Variants in RPL23 observed in about 807,000 individuals in gnomAD.
The protein encoded by RPL23 is ribosomal protein L23.
For missense variants in RPL23, 79 were observed against 178.8 expected (o/e 0.44, Z 3.18); for synonymous variants, 63 against 65.3 (o/e 0.97, Z 0.17).
Position 38,853,111 on chromosome 17 carries a change from G to A in RPL23, c.14-6C>T, listed in dbSNP as rs1359106581. The A allele has an allele frequency of 6.2e-7, 1 of 1,610,280 alleles. No individual in the cohort carries two copies. ...ACCAGAGGACCCACCACGTCCTGTG[G>A]ATATAAAGGGAAGGGAAACAGGATA... On this transcript the variant is annotated splice_region_variant and splice_polypyrimidine_tract_variant and intron_variant, in intron 1 of 4. Transcript: ENST00000479035.
In RPL23 at chr17:38,848,724, C is replaced by T. The variant is rs992407676; in HGVS notation, c.*1408G>A. The T allele has an allele frequency of 2.6e-5, 4 of 152,176 alleles. No individual in the cohort carries two copies. The highest frequency in any genetic ancestry group is 5.9e-5 in the Non-Finnish European group (4 of 68,042). 9.4% of individuals were successfully genotyped at this position (152,176 alleles called of 1,614,324 possible). ...AAAGCTCCAGGTTAGAACAACTCCT[C>T]TCTAGGTCTGGTACATTCCATAACT... is the stretch of plus-strand genomic sequence containing the variant. On this transcript the variant is annotated 3_prime_UTR_variant, in exon 5 of 5. Coordinates refer to ENST00000479035, the MANE Select transcript of RPL23 (RefSeq NM_000978.4).
chr17:38,851,628 C>T (rs966700774), intron 3 of RPL23: 5 of 152,212 alleles, frequency 3.3e-5, no homozygotes, highest in African/African-American at 1.2e-4. Context: ...CCTGGGCCAC[C>T]AATCAGACCC....
At chr17:38,853,240 G>T in intron 1 of RPL23, 135 bp from the exon 2 acceptor site, 1 of 725,226 alleles carries the variant, frequency 1.4e-6, no homozygotes, top group Non-Finnish European at 2.4e-6. Context: ...AGCTCGCTCG[G>T]ATTTTACTTA....
At chr17:38,853,195 C>T (rs1383284732) in intron 1 of RPL23, 90 bp from the exon 2 acceptor site, 11 of 976,398 alleles carry the variant, frequency 1.1e-5, no homozygotes, top group African/African-American at 6.4e-5. Context: ...CTGTAATTCA[C>T]CGCACATGCT....
In RPL23 at chr17:38,847,914, A is replaced by G; in HGVS notation, c.*2218T>C. 6.6e-7 allele frequency: 1 copy of G among 1,511,246 alleles called. No homozygotes were observed. The highest frequency in any genetic ancestry group is 1.3e-5 in the South Asian group (1 of 78,206). 93.6% of individuals were successfully genotyped at this position (1,511,246 alleles called of 1,614,324 possible). The stretch of plus-strand genomic sequence containing the variant: ...AAGTCAAAAAAAATCTCCAAAGAAT[A>G]AAATGTGAGGTGGGATGCAGTGGCT... On this transcript the variant is annotated 3_prime_UTR_variant, in exon 5 of 5. Coordinates refer to ENST00000479035, the MANE Select transcript of RPL23 (RefSeq NM_000978.4).
At chr17:38,850,248 AAC>A in intron 4 of RPL23, 34 bp from the exon 5 acceptor site, 2 of 1,559,244 alleles carry the variant, frequency 1.3e-6, no homozygotes, top group Non-Finnish European at 1.7e-6. Flanking sequence ...ATAAAATAAA[AAC>A]ATGTGGGGGA....
Position 38,850,121 on chromosome 17 carries a change from A to G in RPL23, c.*11T>C. On this transcript the variant is annotated 3_prime_UTR_variant, in exon 5 of 5. Coordinates refer to ENST00000479035, the MANE Select transcript of RPL23 (RefSeq NM_000978.4). ...GTTTTTTTTTTTATTTTTTACAAAT[A>G]TACTGGAGAATCATGCAATGCTGCC... 1 of 1,569,092 alleles carries G rather than the reference A, an allele frequency of 6.4e-7. No homozygotes were observed.
Position 38,850,142 on chromosome 17 carries a change from C to T in RPL23, c.413G>A (p.Ser138Asn). 1 of 1,600,260 alleles carries T rather than the reference C, an allele frequency of 6.2e-7. No homozygotes were observed. The highest frequency in any genetic ancestry group is 1.1e-5 in the South Asian group (1 of 88,580). Residue 138 changes from serine to asparagine, a missense_variant, in exon 5 of 5, where the codon AGC becomes AAC. By Grantham distance (46) the Ser-to-Asn change is conservative. Coordinates refer to ENST00000479035, the MANE Select transcript of RPL23 (RefSeq NM_000978.4). ...LWPRIASNAG[S>N]IA ...AAATATACTGGAGAATCATGCAATG[C>T]TGCCAGCATTGGATGCAATCCGGGG...
At chr17:38,853,552 TG>T in intron 1 of RPL23, 145 bp downstream of exon 1, 1 of 950,684 alleles carries the variant, frequency 1.1e-6, no homozygotes, top group Non-Finnish European at 1.7e-6. Flanking sequence ...TCGAGGGCCC[TG>T]GCAGTGCTCT....
Position 38,853,721 on chromosome 17 carries a change from G to C in RPL23, c.-11C>G, listed in dbSNP as rs200078722. 8 of 1,613,616 alleles carry C rather than the reference G, an allele frequency of 5.0e-6. No individual in the cohort carries two copies. The African/African-American group carries it at 1.1e-4, about 22-fold the overall frequency. On this transcript the variant is annotated 5_prime_UTR_variant, in exon 1 of 5. Coordinates refer to ENST00000479035, the MANE Select transcript of RPL23 (RefSeq NM_000978.4). ...ACCTCGCTTCGACATCTTGAACGCC[G>C]GAAAAAAGAAAAAAGGAAGTCGATT...
At chr17:38,852,564 A>G (rs1475366460) in intron 3 of RPL23, 40 bp downstream of exon 3, 1 of 1,609,048 alleles carries the variant, frequency 6.2e-7, no homozygotes, top group Admixed American at 1.7e-5. Context: ...GCGTCCCCCC[A>G]CTACTCATCA....
At chr17:38,853,167 T>A (rs1913053846) in intron 1 of RPL23, 62 bp from the exon 2 acceptor site, 2 of 1,254,982 alleles carry the variant, frequency 1.6e-6, no homozygotes, top group African/African-American at 2.9e-5. Context: ...TGGTTCGGAG[T>A]TCCCCCTCAT....
intron 1 of RPL23, 133 bp from the exon 2 acceptor site, chr17:38,853,238 C>T: frequency 2.7e-6 from 2 of 733,056 alleles, no homozygotes; most frequent in Non-Finnish European, 4.8e-6. Flanking sequence ...TTAGCTCGCT[C>T]GGATTTTACT....
At position 38,848,120 on chromosome 17, in the gene RPL23, A is replaced by G; in HGVS notation, c.*2012T>C. Reference sequence around the variant, plus strand: ...TTAGTGGTTAATATATAAGGATCATATATTGCCATAATATATAAAGACATA... The same window carrying G: ...TTAGTGGTTAATATATAAGGATCATGTATTGCCATAATATATAAAGACATA... On this transcript the variant is annotated 3_prime_UTR_variant, in exon 5 of 5. Transcript: ENST00000479035. The G allele has an allele frequency of 6.9e-7, 1 of 1,448,234 alleles. No individual in the cohort carries two copies. Among genetic ancestry groups the G allele is most frequent in the Non-Finnish European group, 9.1e-7 (1 of 1,099,592 alleles). The allele number at this position is 1,448,234 out of a possible 1,614,324, so 89.7% of individuals were successfully genotyped here.
rs939569467 is a variant in RPL23, at chr17:38,848,302, G to A, written c.*1830C>T. 10 of 307,324 alleles carry A rather than the reference G, an allele frequency of 3.3e-5. No homozygotes were observed. The highest frequency in any genetic ancestry group is 1.5e-4 in the African/African-American group (7 of 45,948). 19.0% of individuals were successfully genotyped at this position (307,324 alleles called of 1,614,324 possible). ...TGCCCAGGCTGGAGCACAATCGTGCGACCTCAGCTCACTGCAACCTCCATC... is the reference window on the plus strand; with the variant it reads ...TGCCCAGGCTGGAGCACAATCGTGCAACCTCAGCTCACTGCAACCTCCATC... On this transcript the variant is annotated 3_prime_UTR_variant, in exon 5 of 5. Coordinates refer to ENST00000479035, the MANE Select transcript of RPL23 (RefSeq NM_000978.4).
rs1424698801 is a variant in RPL23, at chr17:38,847,935, T to C, written c.*2197A>G. 6.5e-7 allele frequency: 1 copy of C among 1,531,898 alleles called. No homozygotes were observed. Among genetic ancestry groups the C allele is most frequent in the Non-Finnish European group, 8.8e-7 (1 of 1,140,890 alleles). 94.9% of individuals were successfully genotyped at this position (1,531,898 alleles called of 1,614,324 possible). Reference sequence around the variant, plus strand: ...GAATAAAATGTGAGGTGGGATGCAGTGGCTCACACTTGTAATTGCAGCCCT... The same window carrying C: ...GAATAAAATGTGAGGTGGGATGCAGCGGCTCACACTTGTAATTGCAGCCCT... On this transcript the variant is annotated 3_prime_UTR_variant, in exon 5 of 5. Transcript: ENST00000479035.
In RPL23 at chr17:38,852,410, AC is replaced by A. The variant is rs1474528216; in HGVS notation, c.226+193del. The stretch of plus-strand genomic sequence containing the variant: ...ACAAAACAAAAACAACAACAAAAAA[AC>A]AACTAAGGTATGGAAGTGACAAGAT... On this transcript the variant is annotated intron_variant, in intron 3 of 4. Coordinates refer to ENST00000479035, the MANE Select transcript of RPL23 (RefSeq NM_000978.4). 9 of 622,720 alleles carry A rather than the reference AC, an allele frequency of 1.4e-5. 1 individual carries two copies. The Admixed American group carries it at 1.7e-4, about 11-fold the overall frequency. The allele number at this position is 622,720 out of a possible 1,614,324, so 38.6% of individuals were successfully genotyped here.
Position 38,852,744 on chromosome 17 carries a change from T to C in RPL23, c.98-12A>G, listed in dbSNP as rs766899517. On this transcript the variant is annotated splice_polypyrimidine_tract_variant and intron_variant, in intron 2 of 4. Transcript: ENST00000479035. The stretch of plus-strand genomic sequence containing the variant: ...CAGGTTTTTGGCTCCTACAAAAGAA[T>C]GTAAATAAAAATAAAAAATGTTGAG... 8.7e-6 allele frequency: 14 copies of C among 1,613,780 alleles called. No homozygotes were observed. Among genetic ancestry groups the C allele is most frequent in the African/African-American group, 1.3e-5 (1 of 74,870 alleles).
At position 38,850,471 on chromosome 17, in the gene RPL23, A is replaced by G; in HGVS notation, c.231T>C (p.His77=). The change falls in exon 4 of 5, where the codon CAT becomes CAC. Residue 77 remains histidine (H), a synonymous_variant. Transcript: ENST00000479035. The part of the protein sequence containing the change: ...KGKPELRKKV[H]PAVVIRQRKS... ...TTCGTTGTCGAATGACCACTGCTGG[A>G]TGTACTGAGAGAAGAAAAAAGGACA... is the stretch of plus-strand genomic sequence containing the variant. The G allele has an allele frequency of 6.2e-7, 1 of 1,610,168 alleles. No homozygotes were observed. Among genetic ancestry groups the G allele is most frequent in the Non-Finnish European group, 8.5e-7 (1 of 1,176,730 alleles).
Sources: allele counts gnomAD v4.1 joint callset, GRCh38; gene constraint gnomAD v4.1.1; transcripts MANE v1.5; gene names NCBI Gene and HGNC (gene_info 2026-07-23, HGNC 2026-07-21).